SYNE1: variants seen among roughly 807,000 people sequenced by gnomAD.
SYNE1 encodes spectrin repeat containing nuclear envelope protein 1, also known as nesprin-1.
In SYNE1, 616 loss-of-function variants were observed where a neutral mutation model predicts 1,111.0. The ratio of observed to expected loss-of-function variants is 0.55; its 90% CI spans 0.52 to 0.59. The LOEUF is 0.59. Ranked by LOEUF, SYNE1 falls within the 20% of genes least tolerant of loss-of-function variation. The probability of loss-of-function intolerance (pLI) is 0.00; values close to 1 mark genes in which losing one functional copy is unlikely to be tolerated. For missense variants in SYNE1, 10,006 were observed against 10,417.0 expected (o/e 0.96, Z 1.72); for synonymous variants, 3,855 against 3,825.8 (o/e 1.01, Z -0.28).
chr6:152,132,265 G>A (rs765875728), intron 143 of SYNE1, 51 bp from the exon 144 acceptor site: 34 of 1,519,188 alleles, frequency 2.2e-5, no homozygotes, highest in Non-Finnish European at 3.0e-5. Context: ...GACCCATGGG[G>A]GCCCTCTGTT....
chr6:152,631,013 T>C (rs1036412259), intron 2 of SYNE1, among the ~76,000 whole-genome samples: 1 of 152,192 alleles, frequency 6.6e-6, no homozygotes, highest in African/African-American at 2.4e-5. Context: ...AGCTCAATGC[T>C]GGGATTACTA....
chr6:152,308,192 T>A (rs576566112), intron 91 of SYNE1, among the ~76,000 whole-genome samples: 2 of 152,238 alleles, frequency 1.3e-5, no homozygotes, highest in South Asian at 4.2e-4. Context: ...GGGTATGGAC[T>A]GTGTTTTAGT....
At chr6:152,156,444 ATC>A (rs2061386819) in intron 131 of SYNE1, among the ~76,000 whole-genome samples, 1 of 152,176 alleles carries the variant, frequency 6.6e-6, no homozygotes, top group African/African-American at 2.4e-5. Flanking sequence ...ATCAATCATC[ATC>A]TCTTAGTATC....
At chr6:152,629,770 A>G (rs2099694799) in intron 2 of SYNE1, among the ~76,000 whole-genome samples, 3 of 152,070 alleles carry the variant, frequency 2.0e-5, no homozygotes, top group Non-Finnish European at 4.4e-5. Context: ...ATACTTGATT[A>G]CAGTTCCCAT....
chr6:152,552,835 C>T (rs2128150111), intron 3 of SYNE1, among the ~76,000 whole-genome samples: 1 of 152,234 alleles, frequency 6.6e-6, no homozygotes, highest in Non-Finnish European at 1.5e-5. Flanking sequence ...TAGTGACCCT[C>T]CTCATAATAG....
Position 152,491,918 on chromosome 6 carries a change from C to A in SYNE1, c.940-3415G>T, listed in dbSNP as rs112276374. Among the ~76,000 whole-genome samples the A allele has an allele frequency of 1.4e-4, 21 of 152,188 alleles. 1 individual carries two copies. Among genetic ancestry groups the A allele is most frequent in the African/African-American group, 4.8e-4 (20 of 41,522 alleles). ...GCCTCCACTCCCCAGCCCTATAATC[C>A]TTCTATCACCTCCCCCTCCTCCCAC... On this transcript the variant is annotated intron_variant, in intron 11 of 145. Coordinates refer to ENST00000367255, the MANE Select transcript of SYNE1 (RefSeq NM_182961.4).
chr6:152,540,006 A>G lies in SYNE1; in HGVS notation c.83T>C (p.Val28Ala). ...MQRLQDEQEI[V>A]QKRTFTKWIN... ...CCATTTTGTGAAAGTTCGTTTTTGT[A>G]CTATCTCTTGCTCATCTAGAAGGAA... Residue 28 changes from valine to alanine, a missense_variant, in exon 4 of 146, where the codon GTA (valine) becomes GCA (alanine). This residue lies in a region of SYNE1 where 1,971 missense variants were observed against 2,084.1 expected (regional missense o/e 0.95). Coordinates refer to ENST00000367255, the MANE Select transcript of SYNE1 (RefSeq NM_182961.4). 3.1e-6 allele frequency: 5 copies of G among 1,613,884 alleles called. No homozygotes were observed. The highest frequency in any genetic ancestry group is 4.2e-6 in the Non-Finnish European group (5 of 1,179,876).
Position 152,132,148 on chromosome 6 carries a change from T to C in SYNE1, c.26068A>G (p.Arg8690Gly), listed in dbSNP as rs1271591319. The change falls in exon 144 of 146, where the codon AGG (arginine) becomes GGG (glycine). Residue 8690 changes from arginine (R) to glycine (G), a missense_variant. This residue lies in a region of SYNE1 where 761 missense variants were observed against 795.5 expected (regional missense o/e 0.96). Transcript: ENST00000367255. ...TSGSVSPTSG[R>G]STPNRQKTPR... ...GTTTTCTGTCTGTTTGGGGTGCTCCTTCCTGATGTGGGACTCACAGACCCT... is the reference window on the plus strand; with the variant it reads ...GTTTTCTGTCTGTTTGGGGTGCTCCCTCCTGATGTGGGACTCACAGACCCT... 6 of 1,614,024 alleles carry C rather than the reference T, an allele frequency of 3.7e-6. No individual in the cohort carries two copies. The highest frequency in any genetic ancestry group is 5.1e-6 in the Non-Finnish European group (6 of 1,179,994).
rs147030362 is a variant in SYNE1, at chr6:152,562,197, C to G, written c.68-22176G>C. Among the ~76,000 whole-genome samples, 940 of 152,088 alleles carry G rather than the reference C, an allele frequency of 6.2e-3. 6 individuals carry two copies. The highest frequency in any genetic ancestry group is 9.2e-3 in the Non-Finnish European group (624 of 67,952). On this transcript the variant is annotated intron_variant, in intron 3 of 145. Coordinates refer to ENST00000367255, the MANE Select transcript of SYNE1 (RefSeq NM_182961.4). ...TAATATGCAAAATATGTTAGAAACTCAAAAACTAAATAGCAGAAAAACAAA... is the reference window on the plus strand; with the variant it reads ...TAATATGCAAAATATGTTAGAAACTGAAAAACTAAATAGCAGAAAAACAAA...
rs2059047644 is a variant in SYNE1, at chr6:152,144,212, C to A, written c.24977-447G>T. 2.2e-5 allele frequency: 6 copies of A among 271,262 alleles called. No homozygotes were observed. In the South Asian group the frequency reaches 2.5e-4, roughly 11 times the overall value. 16.8% of individuals were successfully genotyped at this position (271,262 alleles called of 1,614,324 possible). On this transcript the variant is annotated intron_variant, in intron 137 of 145. Coordinates refer to ENST00000367255, the MANE Select transcript of SYNE1 (RefSeq NM_182961.4). ...CCTCCCTCTGATTTTTCTTCATGCA[C>A]CTCAGGGGAAGATAGTGTCACGGAA...
chr6:152,268,723 C>G (rs1050784179), intron 99 of SYNE1, among the ~76,000 whole-genome samples: 1 of 152,076 alleles, frequency 6.6e-6, no homozygotes, highest in Non-Finnish European at 1.5e-5. Context: ...AATTAGCAAT[C>G]CTATTTTGTA....
chr6:152,428,318 G>A lies in SYNE1; in HGVS notation c.4863C>T (p.Asn1621=). 1 of 1,614,132 alleles carries A rather than the reference G, an allele frequency of 6.2e-7. No individual in the cohort carries two copies. The highest frequency in any genetic ancestry group is 8.5e-7 in the Non-Finnish European group (1 of 1,180,024). ...CAGCCTCCTGAACACAGGAATCTCT[G>A]TTCACAACCTTCCTGGCACTGGCTG... ...AFSASARKVV[N]RDSCVQEAAA... is the part of the protein sequence containing the mutation. The change falls in exon 37 of 146, where the codon AAC becomes AAT. Residue 1621 remains asparagine (N), a synonymous_variant. Transcript: ENST00000367255.
intron 130 of SYNE1, among the ~76,000 whole-genome samples, chr6:152,169,346 A>C (rs536784581): frequency 9.2e-5 from 14 of 152,020 alleles, no homozygotes; most frequent in Non-Finnish European, 1.2e-4. Context: ...GTGGATCACA[A>C]GGTCAGGAGA....
Position 152,316,365 on chromosome 6 carries a change from C to T in SYNE1, c.16710+484G>A, listed in dbSNP as rs116169170. 2.1e-3 allele frequency: 382 copies of T among 183,146 alleles called. 1 individual carries two copies. Among genetic ancestry groups the T allele is most frequent in the African/African-American group, 8.5e-3 (357 of 41,900 alleles). The allele number at this position is 183,146 out of a possible 1,614,324, so 11.3% of individuals were successfully genotyped here. On this transcript the variant is annotated intron_variant, in intron 87 of 145. Transcript: ENST00000367255. ...CACTTGATCTCATAAGTCTGAAATA[C>T]GAATATTATTTACGTCTTCATACAA...
chr6:152,365,069 C>G (rs2154077275), intron 62 of SYNE1, 50 bp from the exon 63 acceptor site: 7 of 1,605,736 alleles, frequency 4.4e-6, no homozygotes, highest in Non-Finnish European at 6.0e-6. Context: ...TTTAACATTG[C>G]TGGCTTTAAA....
rs373749303 is a variant in SYNE1 at position 152,501,902 on chromosome 6, A to G, written c.888+731T>C. ...GAATTCTTTATAATGTTCATGGAAG[A>G]AGAAAATTATAAAATTGTATGGATA... On this transcript the variant is annotated intron_variant, in intron 10 of 145. Transcript: ENST00000367255. Among the ~76,000 whole-genome samples the G allele has an allele frequency of 1.1e-4, 17 of 152,352 alleles. No individual in the cohort carries two copies. The East Asian group carries it at 2.9e-3, about 26-fold the overall frequency.
At position 152,615,245 on chromosome 6, in the gene SYNE1, A is replaced by G. The variant is rs374762940; in HGVS notation, c.67+13020T>C. On this transcript the variant is annotated intron_variant, in intron 3 of 145. Transcript: ENST00000367255. ...AATGCATATCTATTCCTGCTAGTGA[A>G]GTTTGCTTTTTAAAAAATGCAGATC... is the stretch of plus-strand genomic sequence containing the variant. 5.9e-5 allele frequency among the ~76,000 whole-genome samples: 9 copies of G among 152,312 alleles called. No individual in the cohort carries two copies. The East Asian group carries it at 1.2e-3, about 20-fold the overall frequency.
At chr6:152,624,815 T>C (rs973697976) in intron 3 of SYNE1, among the ~76,000 whole-genome samples, 5 of 152,192 alleles carry the variant, frequency 3.3e-5, no homozygotes, top group South Asian at 2.1e-4. Flanking sequence ...TATGTAGCAA[T>C]CTCTGTGTGT....
intron 14 of SYNE1, among the ~76,000 whole-genome samples, chr6:152,472,877 TG>T (rs1051754510): frequency 2.0e-5 from 3 of 152,244 alleles, no homozygotes; most frequent in African/African-American, 7.2e-5. Flanking sequence ...AAGTGGTATT[TG>T]CTTGCCATCT....
Sources: allele counts gnomAD v4.1 joint callset (sites outside exome capture counted in the v4.1 genomes callset), GRCh38; gene constraint gnomAD v4.1.1; regional missense constraint gnomAD v4.1.1; transcripts MANE v1.5; gene names NCBI Gene and HGNC (gene_info 2026-07-23, HGNC 2026-07-21).